The following TMEM219 variants were observed in gnomAD, a reference collection of about 807,000 sequenced individuals.
The protein encoded by TMEM219 is transmembrane protein 219, also known as insulin-like growth factor-binding protein 3 receptor.
TMEM219 carries 18 observed loss-of-function variants against 17.9 expected under a neutral mutation model. That is an observed-to-expected ratio of 1.01 (90% CI 0.70 to 1.49). The LOEUF (loss-of-function observed/expected upper bound fraction) is 1.49, where lower values mean the gene tolerates loss of function less well. Ranked by LOEUF, TMEM219 falls within the 40% of genes most tolerant of loss-of-function variation. TMEM219 has a pLI of 0.00. For synonymous variants in TMEM219, 113 were observed against 124.0 expected, an observed-to-expected ratio of 0.91 and a Z score of 0.59; for missense variants, 288 against 292.4, an observed-to-expected ratio of 0.99 and a Z score of 0.11.
intron 2 of TMEM219, 28 bp downstream of exon 2, chr16:29,963,336 T>C: frequency 6.2e-7 from 1 of 1,614,058 alleles, no homozygotes; most frequent in Non-Finnish European, 8.5e-7. Context: ...GTACCCGCTC[T>C]TCCTTCCAAC....
At chr16:29,971,659 G>C in intron 5 of TMEM219, 81 bp downstream of exon 5, 1 of 1,396,028 alleles carries the variant, frequency 7.2e-7, no homozygotes, top group Non-Finnish European at 9.7e-7. Flanking sequence ...GCAGATCCTT[G>C]GACTTTTCCT....
intron 3 of TMEM219, among the ~76,000 whole-genome samples, chr16:29,966,835 T>C (rs1479591879): frequency 6.6e-6 from 1 of 151,982 alleles, no homozygotes; most frequent in Non-Finnish European, 1.5e-5. Context: ...TAAAATAAAA[T>C]AAAATAAAAT....
chr16:29,967,933 A>G (rs1170298726), intron 3 of TMEM219, 92 bp from the exon 4 acceptor site: 4 of 1,097,176 alleles, frequency 3.6e-6, no homozygotes, highest in Non-Finnish European at 5.4e-6. Context: ...CCTCAAAAAA[A>G]AAAAAAGAAA....
chr16:29,967,878 G>T, intron 3 of TMEM219, 147 bp from the exon 4 acceptor site: 1 of 617,634 alleles, frequency 1.6e-6, no homozygotes, highest in South Asian at 2.0e-5. Context: ...AGTGAGCCGA[G>T]ATTGCGCCAC....
intron 3 of TMEM219, among the ~76,000 whole-genome samples, chr16:29,964,277 C>T (rs907302417): frequency 1.3e-5 from 2 of 151,660 alleles, no homozygotes; most frequent in Admixed American, 6.6e-5. Flanking sequence ...GAGCCGAGAT[C>T]GTACCACTGC....
chr16:29,971,435 C>A lies in TMEM219; in HGVS notation c.613C>A (p.Leu205Met), dbSNP rs199948804. ...SEELALCGSR[L>M]LVLGSFLLLF... ...GGAGCTGGCTCTGTGTGGCTCCAGG[C>A]TGCTGGTCTTGGGCTCCTTCCTGCT... The change falls in exon 5 of 6, where the codon CTG (leucine) becomes ATG (methionine). Residue 205 changes from leucine to methionine, a missense_variant. Leu to Met is a conservative substitution (Grantham distance 15). Coordinates refer to ENST00000279396, the MANE Select transcript of TMEM219 (RefSeq NM_001083613.2). The A allele has an allele frequency of 3.6e-5, 58 of 1,614,152 alleles. No homozygotes were observed. In the African/African-American group the frequency reaches 7.5e-4, roughly 21 times the overall value.
Position 29,963,194 on chromosome 16 carries a change from C to G in TMEM219, c.51C>G (p.His17Gln). The change falls in exon 2 of 6, where the codon CAC (histidine) becomes CAG (glutamine). Residue 17 changes from histidine (H) to glutamine (Q), a missense_variant. By Grantham distance (24) the His-to-Gln change is conservative. Transcript: ENST00000279396. The stretch of plus-strand genomic sequence containing the variant: ...ACCTGCACCTGTGTCTGGCCCACCA[C>G]CCACCTCTGGTCTGTGCCACTTTGA... ...GHNLHLCLAHHPPLVCATLIL... is the reference protein window; with the variant it reads ...GHNLHLCLAHQPPLVCATLIL... 6.2e-7 allele frequency: 1 copy of G among 1,613,760 alleles called. No individual in the cohort carries two copies. The highest frequency in any genetic ancestry group is 8.5e-7 in the Non-Finnish European group (1 of 1,180,052).
intron 3 of TMEM219, among the ~76,000 whole-genome samples, chr16:29,964,193 C>T (rs964039683): frequency 1.3e-5 from 2 of 151,676 alleles, no homozygotes; most frequent in African/African-American, 2.4e-5. Flanking sequence ...CATGGTTGCA[C>T]GTGCCTGTAA....
Position 29,971,469 on chromosome 16 carries a change from G to A in TMEM219, c.647G>A (p.Cys216Tyr), listed in dbSNP as rs1265989775. 3 of 1,614,076 alleles carry A rather than the reference G, an allele frequency of 1.9e-6. No individual in the cohort carries two copies. The highest frequency in any genetic ancestry group is 2.5e-6 in the Non-Finnish European group (3 of 1,180,004). The change falls in exon 5 of 6, where the codon TGT (cysteine) becomes TAT (tyrosine). Residue 216 changes from cysteine (C) to tyrosine (Y), a missense_variant. Coordinates refer to ENST00000279396, the MANE Select transcript of TMEM219 (RefSeq NM_001083613.2). ...LVLGSFLLLF[C>Y]GLLCCVTAMC... ...TTGGGCTCCTTCCTGCTTCTCTTCT[G>A]TGGCCTTCTCTGCTGTGTCACTGCT... is the stretch of plus-strand genomic sequence containing the variant.
rs893494557 is a variant in TMEM219 at position 29,966,685 on chromosome 16, G to A, written c.356-1340G>A. On this transcript the variant is annotated intron_variant, in intron 3 of 5. Coordinates refer to ENST00000279396, the MANE Select transcript of TMEM219 (RefSeq NM_001083613.2). ...CAAAAAATTAGCCAGGCATGGTCGT[G>A]GGCACCTGTAATCCCAGCTACTCAC... Among the ~76,000 whole-genome samples the A allele has an allele frequency of 2.6e-5, 4 of 151,998 alleles. No homozygotes were observed. In the East Asian group the frequency reaches 5.8e-4, roughly 22 times the overall value.
At chr16:29,966,606 G>A (rs1382728355) in intron 3 of TMEM219, among the ~76,000 whole-genome samples, 5 of 152,000 alleles carry the variant, frequency 3.3e-5, no homozygotes, top group African/African-American at 1.2e-4. Context: ...CCTGAGGTCA[G>A]GAGTTCAAGA....
chr16:29,970,783 A>G (rs540814244), intron 4 of TMEM219, among the ~76,000 whole-genome samples: 11 of 152,042 alleles, frequency 7.2e-5, no homozygotes, highest in Non-Finnish European at 1.5e-4. Flanking sequence ...CTACAAAAAA[A>G]CACACAAAAA....
At chr16:29,970,935 C>A (rs1305508776) in intron 4 of TMEM219, among the ~76,000 whole-genome samples, 8 of 149,764 alleles carry the variant, frequency 5.3e-5, no homozygotes, top group African/African-American at 2.0e-4. Flanking sequence ...CAGAGTGAGA[C>A]CCTGCCTCAA....
intron 3 of TMEM219, 65 bp downstream of exon 3, chr16:29,963,654 A>G (rs2069176815): frequency 1.4e-6 from 2 of 1,472,556 alleles, no homozygotes; most frequent in South Asian, 2.5e-5. Flanking sequence ...AGGCTAAGGT[A>G]GGTGGATCAT....
chr16:29,969,637 C>T (rs2069257808), intron 4 of TMEM219, among the ~76,000 whole-genome samples: 1 of 151,718 alleles, frequency 6.6e-6, no homozygotes, highest in Non-Finnish European at 1.5e-5. Context: ...CATGATTGTG[C>T]CACTGCACTC....
In TMEM219 at chr16:29,966,066, C is replaced by T. The variant is rs576958051; in HGVS notation, c.356-1959C>T. 2.6e-5 allele frequency among the ~76,000 whole-genome samples: 4 copies of T among 152,146 alleles called. No individual in the cohort carries two copies. The South Asian group carries it at 8.3e-4, about 32-fold the overall frequency. The stretch of plus-strand genomic sequence containing the variant: ...TGTATTTTTTATAGAGATGTGGTCT[C>T]ACTATGTTGCCCAGGCTAGTTTCAA... On this transcript the variant is annotated intron_variant, in intron 3 of 5. Transcript: ENST00000279396.
chr16:29,971,539 GCTC>G lies in TMEM219; in HGVS notation c.718_720del (p.Leu240del). ...GGGAGTCCCACTGGTCTAGAACCCG[GCTC>G]TGAGGGCACTGGCCTAGTTCCCGAC... On this transcript the variant is annotated inframe_deletion, in exon 5 of 6. Transcript: ENST00000279396. 3.7e-6 allele frequency: 6 copies of G among 1,612,814 alleles called. No individual in the cohort carries two copies. Among genetic ancestry groups the G allele is most frequent in the Non-Finnish European group, 5.1e-6 (6 of 1,179,862 alleles).
In TMEM219 at chr16:29,968,088, C is replaced by A. The variant is rs2069236664; in HGVS notation, c.419C>A (p.Thr140Asn). 14 of 1,614,208 alleles carry A rather than the reference C, an allele frequency of 8.7e-6. No homozygotes were observed. The highest frequency in any genetic ancestry group is 1.2e-5 in the Non-Finnish European group (14 of 1,180,034). The change falls in exon 4 of 6, where the codon ACC becomes AAC. Residue 140 changes from threonine (T) to asparagine (N), a missense_variant. Physicochemically the swap from Thr to Asn is moderately conservative, Grantham distance 65. Transcript: ENST00000279396. ...GTGACCACAGAAAGGACTGCAGGAA[C>A]CTGCCTATATTTTAGTGCTGTTCCA... ...ARVTTERTAG[T>N]CLYFSAVPGI...
chr16:29,966,283 TTTTTC>T (rs1314608170), intron 3 of TMEM219, among the ~76,000 whole-genome samples: 5 of 152,192 alleles, frequency 3.3e-5, no homozygotes, highest in Non-Finnish European at 7.3e-5. Flanking sequence ...CCTTTGTTCC[TTTTTC>T]TTTTAAGTTA....
Sources: allele counts gnomAD v4.1 joint callset (sites outside exome capture counted in the v4.1 genomes callset), GRCh38; gene constraint gnomAD v4.1.1; transcripts MANE v1.5; gene names NCBI Gene and HGNC (gene_info 2026-07-23, HGNC 2026-07-21).